Variants in EPHA6 observed in about 807,000 individuals in gnomAD.
EPHA6 encodes the protein EPH receptor A6, also known as ephrin type-A receptor 6.
A neutral mutation model predicts 112.0 loss-of-function variants in EPHA6; 50 were observed. That is an observed-to-expected ratio of 0.45 (90% CI 0.36 to 0.56). The LOEUF (loss-of-function observed/expected upper bound fraction) is 0.56. EPHA6 is among the 20% of genes least tolerant of loss of function. The pLI, the probability that EPHA6 is intolerant of heterozygous loss-of-function variation, is 0.00. For missense variants in EPHA6, 1,280 were observed against 1,417.4 expected (o/e 0.90, Z 1.56); for synonymous variants, 529 against 490.7 (o/e 1.08, Z -1.03).
chr3:97,453,511 T>C (rs2107344055), intron 7 of EPHA6, among the ~76,000 whole-genome samples: 1 of 151,840 alleles, frequency 6.6e-6, no homozygotes, highest in East Asian at 1.9e-4. Context: ...AAATGTATTA[T>C]TTACCAAAAG....
At chr3:97,101,851 A>G (rs1305027546) in intron 3 of EPHA6, among the ~76,000 whole-genome samples, 2 of 152,068 alleles carry the variant, frequency 1.3e-5, no homozygotes, top group Non-Finnish European at 2.9e-5. Flanking sequence ...CTTTTATCAG[A>G]CAGATCTGTA....
At chr3:97,040,317 G>C (rs943615752) in intron 3 of EPHA6, among the ~76,000 whole-genome samples, 4 of 151,882 alleles carry the variant, frequency 2.6e-5, no homozygotes, top group Non-Finnish European at 5.9e-5. Context: ...AAAAGAGTTA[G>C]TATTATAAAA....
chr3:97,719,810 A>T (rs1158495120), intron 14 of EPHA6, among the ~76,000 whole-genome samples: 1 of 152,190 alleles, frequency 6.6e-6, no homozygotes, highest in Non-Finnish European at 1.5e-5. Flanking sequence ...GTAAGTATTG[A>T]ATTGGTAGAG....
intron 14 of EPHA6, among the ~76,000 whole-genome samples, 179 bp downstream of exon 14, chr3:97,638,261 C>A (rs1195318101): frequency 5.3e-5 from 8 of 152,024 alleles, no homozygotes; most frequent in African/African-American, 7.2e-5. Context: ...ACAACAACAA[C>A]AAAAAAGAAA....
chr3:96,910,450 C>A (rs2039159225), intron 2 of EPHA6, among the ~76,000 whole-genome samples: 3 of 152,002 alleles, frequency 2.0e-5, no homozygotes, highest in Admixed American at 2.0e-4. Context: ...TTGCTCAAAA[C>A]CTGCAATAGC....
intron 5 of EPHA6, among the ~76,000 whole-genome samples, chr3:97,331,081 G>A (rs547644737): frequency 3.3e-5 from 5 of 152,204 alleles, no homozygotes; most frequent in South Asian, 4.1e-4. Flanking sequence ...TGGAACTCAC[G>A]ATTAAGAAAC....
At chr3:97,378,304 G>C (rs1433072340) in intron 5 of EPHA6, among the ~76,000 whole-genome samples, 1 of 152,158 alleles carries the variant, frequency 6.6e-6, no homozygotes, top group African/African-American at 2.4e-5. Context: ...TGGGGTTTGG[G>C]AATCTCTGCC....
At chr3:97,152,570 A>ATT (rs2076195999) in intron 3 of EPHA6, among the ~76,000 whole-genome samples, 1 of 151,936 alleles carries the variant, frequency 6.6e-6, no homozygotes, top group African/African-American at 2.4e-5. Flanking sequence ...CTAAGGGAAG[A>ATT]TTCTGTGTGT....
chr3:97,687,135 A>T (rs2032309716), intron 14 of EPHA6, among the ~76,000 whole-genome samples: 1 of 152,158 alleles, frequency 6.6e-6, no homozygotes, highest in African/African-American at 2.4e-5. Context: ...AACTTTAATT[A>T]CTGGCATGAT....
At chr3:96,855,179 G>A (rs1192228319) in intron 1 of EPHA6, among the ~76,000 whole-genome samples, 23 of 151,940 alleles carry the variant, frequency 1.5e-4, no homozygotes, top group Admixed American at 1.4e-3. Context: ...TACTTTTAAG[G>A]ACCTTTGTTA....
chr3:97,244,004 T>G lies in EPHA6; in HGVS notation c.1323T>G (p.Leu441=). The change falls in exon 5 of 18, where the codon CTT becomes CTG. Residue 441 remains leucine (L), a synonymous_variant. Coordinates refer to ENST00000389672, the MANE Select transcript of EPHA6 (RefSeq NM_001080448.3). ...TTTTTAACATCAATGAAACAGCCCT[T>G]ATTTTGGAATGGAGCCCACCAAGTG... ...NVVFNINETA[L]ILEWSPPSDT... 6.2e-7 allele frequency: 1 copy of G among 1,612,352 alleles called. No homozygotes were observed. Among genetic ancestry groups the G allele is most frequent in the South Asian group, 1.1e-5 (1 of 90,998 alleles).
At chr3:97,093,874 A>G (rs1436739895) in intron 3 of EPHA6, among the ~76,000 whole-genome samples, 2 of 152,182 alleles carry the variant, frequency 1.3e-5, no homozygotes, top group Non-Finnish European at 2.9e-5. Flanking sequence ...TAGTAAGACC[A>G]AATACTTCCT....
intron 3 of EPHA6, among the ~76,000 whole-genome samples, chr3:97,002,457 T>G (rs2107908679): frequency 6.6e-6 from 1 of 151,104 alleles, no homozygotes; most frequent in Non-Finnish European, 1.5e-5. Flanking sequence ...GACCATAAAA[T>G]TTTTCTATTT....
chr3:97,110,596 T>TTC (rs1345015257), intron 3 of EPHA6, among the ~76,000 whole-genome samples: 3 of 151,966 alleles, frequency 2.0e-5, no homozygotes, highest in African/African-American at 7.2e-5. Context: ...GCAATCTCTG[T>TTC]TCACTGCAGC....
intron 10 of EPHA6, among the ~76,000 whole-genome samples, chr3:97,498,679 C>T (rs533171183): frequency 6.6e-6 from 1 of 152,228 alleles, no homozygotes; most frequent in South Asian, 2.1e-4. Flanking sequence ...GGTCCTCAAC[C>T]CCCAGGCTGT....
In EPHA6 at chr3:97,754,438, A is replaced by G. The variant is rs957761636; in HGVS notation, c.*5737A>G. ...ACTTGGATTCTTTGCTCTTAATTCA[A>G]AAGAGTTTTTGTTTTATTAGCATTT... On this transcript the variant is annotated 3_prime_UTR_variant, in exon 18 of 18. Coordinates refer to ENST00000389672, the MANE Select transcript of EPHA6 (RefSeq NM_001080448.3). Among the ~76,000 whole-genome samples, 4 of 152,180 alleles carry G rather than the reference A, an allele frequency of 2.6e-5. No homozygotes were observed. Among genetic ancestry groups the G allele is most frequent in the African/African-American group, 9.6e-5 (4 of 41,452 alleles).
chr3:97,105,468 ATTGT>A (rs1354850269), intron 3 of EPHA6, among the ~76,000 whole-genome samples: 5 of 152,204 alleles, frequency 3.3e-5, no homozygotes, highest in Admixed American at 6.6e-5. Flanking sequence ...GTTTTGAGCA[ATTGT>A]TTAAGTCTTG....
intron 6 of EPHA6, among the ~76,000 whole-genome samples, chr3:97,445,860 T>C (rs1375484198): frequency 6.6e-6 from 1 of 152,126 alleles, no homozygotes; most frequent in Non-Finnish European, 1.5e-5. Context: ...TTATGAACAA[T>C]GGAACGTGTT....
intron 3 of EPHA6, among the ~76,000 whole-genome samples, chr3:97,198,171 C>A (rs892049458): frequency 6.6e-6 from 1 of 152,064 alleles, no homozygotes; most frequent in Non-Finnish European, 1.5e-5. Flanking sequence ...AAGATGTTTT[C>A]TTGTGTGAGT....
Sources: gnomAD v4.1 joint callset for allele counts (sites outside exome capture counted in the v4.1 genomes callset) on GRCh38, gnomAD v4.1.1 for gene constraint, MANE v1.5 for transcripts, NCBI Gene and HGNC (gene_info 2026-07-23, HGNC 2026-07-21) for gene names.